Variants in KAZN observed in about 807,000 individuals in gnomAD.
KAZN encodes the protein kazrin.
Under a neutral mutation model 87.4 loss-of-function variants are expected in KAZN, and 40 were observed. The ratio of observed to expected loss-of-function variants is 0.46; its 90% CI spans 0.36 to 0.60. KAZN has a LOEUF of 0.60. Ranked by LOEUF, KAZN falls within the 20% of genes least tolerant of loss-of-function variation. The pLI, the probability that KAZN is intolerant of heterozygous loss-of-function variation, is 0.00. For synonymous variants in KAZN, 466 were observed against 458.3 expected (o/e 1.02, Z -0.22); for missense variants, 898 against 1,073.9 (o/e 0.84, Z 2.29).
At chr1:14,790,263 C>T (rs1053188553) in intron 1 of KAZN, among the ~76,000 whole-genome samples, 2 of 152,004 alleles carry the variant, frequency 1.3e-5, no homozygotes, top group African/African-American at 2.4e-5. Flanking sequence ...GCGCTCACCT[C>T]GGCCTCCCAA....
At chr1:15,031,103 C>T (rs550247282) in intron 2 of KAZN, among the ~76,000 whole-genome samples, 1 of 152,336 alleles carries the variant, frequency 6.6e-6, no homozygotes, top group East Asian at 1.9e-4. Context: ...ATGGCACAGT[C>T]ATTGCCATCC....
chr1:14,302,749 A>G (rs995887111), intron 2 of KAZN, among the ~76,000 whole-genome samples: 4 of 152,176 alleles, frequency 2.6e-5, no homozygotes, highest in Non-Finnish European at 4.4e-5. Flanking sequence ...AGGTGCTTTT[A>G]TGGGGAAGGT....
chr1:14,445,434 G>A (rs1321876432), intron 2 of KAZN, among the ~76,000 whole-genome samples: 1 of 152,184 alleles, frequency 6.6e-6, no homozygotes, highest in Non-Finnish European at 1.5e-5. Context: ...TATGAGCTAA[G>A]GAATGTCATA....
At chr1:14,406,031 T>G (rs1042576080) in intron 2 of KAZN, among the ~76,000 whole-genome samples, 2 of 152,154 alleles carry the variant, frequency 1.3e-5, no homozygotes, top group African/African-American at 4.8e-5. Flanking sequence ...TACTAGTTGA[T>G]AGCACACAAT....
intron 2 of KAZN, among the ~76,000 whole-genome samples, chr1:14,451,937 T>G (rs141055141): frequency 7.4e-6 from 1 of 135,602 alleles, no homozygotes; most frequent in Non-Finnish European, 1.7e-5. Context: ...AACTCTTTTT[T>G]GTTTTGTTTT....
chr1:14,046,082 T>C (rs527308626), intron 1 of KAZN, among the ~76,000 whole-genome samples: 2 of 152,282 alleles, frequency 1.3e-5, no homozygotes, highest in African/African-American at 4.8e-5. Context: ...TCCAAAAAAT[T>C]ACCTTTAATC....
At chr1:14,924,326 C>T in intron 1 of KAZN, 2 of 986,894 alleles carry the variant, frequency 2.0e-6, no homozygotes, top group Non-Finnish European at 2.4e-6. Context: ...GTCGGAGCCC[C>T]TCGCGCAGCC....
At chr1:14,243,677 TAATAAAAG>T (rs1649217645) in intron 2 of KAZN, among the ~76,000 whole-genome samples, 2 of 152,172 alleles carry the variant, frequency 1.3e-5, no homozygotes, top group Non-Finnish European at 2.9e-5. Flanking sequence ...AACAAATAAA[TAATAAAAG>T]AATTTGCCTG....
chr1:14,527,420 G>T (rs1324092550), intron 2 of KAZN, among the ~76,000 whole-genome samples: 1 of 151,948 alleles, frequency 6.6e-6, no homozygotes, highest in Non-Finnish European at 1.5e-5. Flanking sequence ...GTGGTGGCGG[G>T]CACCTGTAAT....
intron 8 of KAZN, among the ~76,000 whole-genome samples, chr1:15,078,154 C>T (rs1347036602): frequency 6.6e-6 from 1 of 152,090 alleles, no homozygotes; most frequent in Non-Finnish European, 1.5e-5. Flanking sequence ...GTGGTTCATG[C>T]CTGTAATCCC....
chr1:14,742,974 C>T (rs1354054100), intron 1 of KAZN, among the ~76,000 whole-genome samples: 2 of 41,322 alleles, frequency 4.8e-5, no homozygotes, highest in Non-Finnish European at 1.1e-4. Context: ...CTGCACTCAC[C>T]AGTGAATAGA....
At chr1:14,002,530 A>C (rs912052095) in intron 1 of KAZN, among the ~76,000 whole-genome samples, 2 of 152,218 alleles carry the variant, frequency 1.3e-5, no homozygotes, top group Non-Finnish European at 2.9e-5. Flanking sequence ...CTCCCCAGCC[A>C]TGTGGAACTG....
At chr1:14,067,088 A>C (rs759572006) in intron 1 of KAZN, among the ~76,000 whole-genome samples, 3 of 151,824 alleles carry the variant, frequency 2.0e-5, no homozygotes, top group Non-Finnish European at 2.9e-5. Context: ...ATCCCTATCT[A>C]GTATTCTTTA....
rs184296306 is a variant in KAZN at position 14,840,270 on chromosome 1, A to G, written c.227-120414A>G. On this transcript the variant is annotated intron_variant, in intron 1 of 14. Coordinates refer to ENST00000376030, the MANE Select transcript of KAZN (RefSeq NM_201628.3). ...AAATGATTAGATTGCTGGGCGCTGG[A>G]AAGTCTGGGGTGGGGGATCTAATCA... Among the ~76,000 whole-genome samples, 630 of 152,208 alleles carry G rather than the reference A, an allele frequency of 4.1e-3. 7 individuals are homozygous for G. Among genetic ancestry groups the G allele is most frequent in the Admixed American group, 9.4e-3 (143 of 15,294 alleles).
At chr1:13,914,119 G>C (rs531038579) in intron 1 of KAZN, among the ~76,000 whole-genome samples, 1 of 152,198 alleles carries the variant, frequency 6.6e-6, no homozygotes, top group Admixed American at 6.5e-5. Flanking sequence ...AAGCTCATAG[G>C]GATGGAGAAC....
chr1:14,643,804 T>C (rs1680589297), intron 1 of KAZN, among the ~76,000 whole-genome samples: 1 of 152,166 alleles, frequency 6.6e-6, no homozygotes, highest in South Asian at 2.1e-4. Context: ...AGAGTTCCCT[T>C]TTCTCTGCAA....
chr1:14,319,346 C>A (rs1655890304), intron 2 of KAZN, among the ~76,000 whole-genome samples: 1 of 152,020 alleles, frequency 6.6e-6, no homozygotes, highest in Admixed American at 6.6e-5. Context: ...ATAACTCTGG[C>A]TGAATTCAAA....
intron 1 of KAZN, among the ~76,000 whole-genome samples, chr1:14,115,268 A>T (rs770763181): frequency 3.3e-5 from 5 of 152,220 alleles, no homozygotes; most frequent in Non-Finnish European, 5.9e-5. Context: ...ATCATGAAGA[A>T]CTTACCCTTA....
chr1:15,021,987 C>G lies in KAZN; in HGVS notation c.419-12762C>G, dbSNP rs570050192. Among the ~76,000 whole-genome samples, 1 of 152,114 alleles carries G rather than the reference C, an allele frequency of 6.6e-6. No individual in the cohort carries two copies. The highest frequency in any genetic ancestry group is 1.9e-4 in the East Asian group (1 of 5,188). The stretch of plus-strand genomic sequence containing the variant: ...GAGCCAGGGGAAAACCATCAGATCT[C>G]GTGAGACTTATTCACTGCCATGAGA... On this transcript the variant is annotated intron_variant, in intron 2 of 14. Transcript: ENST00000376030. The surrounding 1 kb of genome is among the most constrained non-coding windows in gnomAD (Gnocchi z 4.2).
Sources: allele counts gnomAD v4.1 joint callset (sites outside exome capture counted in the v4.1 genomes callset), GRCh38; gene constraint gnomAD v4.1.1; non-coding constraint Gnocchi (gnomAD v3.1); transcripts MANE v1.5; gene names NCBI Gene and HGNC (gene_info 2026-07-23, HGNC 2026-07-21).